OPRM1: variants seen among roughly 807,000 people sequenced by gnomAD.
The protein encoded by OPRM1 is mu-type opioid receptor.
A neutral mutation model predicts 31.8 loss-of-function variants in OPRM1; 27 were observed. That is an observed-to-expected ratio of 0.85 (90% CI 0.63 to 1.17). OPRM1 has a LOEUF of 1.17. Among genes scored for constraint, OPRM1 ranks in the 50% most tolerant of loss-of-function variants. The pLI is 0.00. For missense variants in OPRM1, 536 were observed against 511.1 expected (o/e 1.05, Z -0.47); for synonymous variants, 196 against 189.9 (o/e 1.03, Z -0.26).
At chr6:154,086,068 C>T (rs1256911617) in intron 1 of OPRM1, among the ~76,000 whole-genome samples, 1 of 151,906 alleles carries the variant, frequency 6.6e-6, no homozygotes, top group African/African-American at 2.4e-5. Context: ...CTTCCCCTGC[C>T]CTCAAGTGAT....
intron 1 of OPRM1, among the ~76,000 whole-genome samples, chr6:154,069,381 G>A (rs1786156239): frequency 6.6e-6 from 1 of 152,150 alleles, no homozygotes; most frequent in Non-Finnish European, 1.5e-5. Context: ...AGGGATTACA[G>A]GTGCATGCCG....
At chr6:154,246,518 T>C (rs1390422095) in intron 3 of OPRM1, 9 of 1,473,732 alleles carry the variant, frequency 6.1e-6, no homozygotes, top group South Asian at 1.4e-5. Flanking sequence ...AACTTTCCCA[T>C]AGGGATCACC....
intron 3 of OPRM1, among the ~76,000 whole-genome samples, chr6:154,093,050 CT>C (rs1792647079): frequency 6.6e-6 from 1 of 152,202 alleles, no homozygotes; most frequent in South Asian, 2.1e-4. Context: ...CAACCTAATG[CT>C]AAGCAGCCCT....
Position 154,210,725 on chromosome 6 carries a change from A to G in OPRM1, c.1165-35968A>G, listed in dbSNP as rs142060310. On this transcript the variant is annotated intron_variant, in intron 3 of 3. Transcript: ENST00000337049. The stretch of plus-strand genomic sequence containing the variant: ...AGCTATGAATATAGTAAGAAAGAAT[A>G]ATATTATAAATGTAGTTCAAAAATT... 2.0e-5 allele frequency among the ~76,000 whole-genome samples: 3 copies of G among 152,352 alleles called. No homozygotes were observed. The East Asian group carries it at 5.8e-4, about 29-fold the overall frequency.
At chr6:154,016,205 A>G (rs1044377187) in intron 1 of OPRM1, among the ~76,000 whole-genome samples, 1 of 152,210 alleles carries the variant, frequency 6.6e-6, no homozygotes, top group African/African-American at 2.4e-5. Context: ...TCAAATGTTC[A>G]TTAATAAGGC....
intron 1 of OPRM1, among the ~76,000 whole-genome samples, chr6:154,065,413 G>T (rs1208542805): frequency 2.6e-5 from 4 of 152,136 alleles, no homozygotes; most frequent in African/African-American, 4.8e-5. Context: ...CTCCCAAAGT[G>T]CTGGGGTTAC....
chr6:154,036,961 G>C (rs187146998), upstream of OPRM1, among the ~76,000 whole-genome samples: 1 of 151,704 alleles, frequency 6.6e-6, no homozygotes, highest in Non-Finnish European at 1.5e-5. Context: ...ACCTTATTAC[G>C]GAGTACAAAG....
chr6:154,187,065 C>T (rs548897027), intron 3 of OPRM1, among the ~76,000 whole-genome samples: 2 of 152,254 alleles, frequency 1.3e-5, no homozygotes, highest in South Asian at 2.1e-4. Context: ...GTCTTCCTGC[C>T]GCTAGTCTTC....
At chr6:154,149,594 G>A (rs529624387) in intron 3 of OPRM1, among the ~76,000 whole-genome samples, 1 of 141,506 alleles carries the variant, frequency 7.1e-6, no homozygotes, top group African/African-American at 2.7e-5. Context: ...ATCCATTCTG[G>A]ATCGTGTGTG....
chr6:154,139,742 C>T (rs1215974194), intron 3 of OPRM1, among the ~76,000 whole-genome samples: 7 of 152,158 alleles, frequency 4.6e-5, no homozygotes, highest in Non-Finnish European at 8.8e-5. Context: ...GTGAAAGACA[C>T]TTAAGGCCCC....
Position 154,125,421 on chromosome 6 carries a change from A to T in OPRM1, c.*6700A>T, listed in dbSNP as rs187119654. On this transcript the variant is annotated 3_prime_UTR_variant, in exon 4 of 4. Transcript: ENST00000330432. ...TCTTCCATTACACAGGTTTAGATTC[A>T]GAGTTTTCTTGCTTAAGTTCCAACT... 2.9e-3 allele frequency among the ~76,000 whole-genome samples: 444 copies of T among 152,340 alleles called. 1 individual carries two copies. Among genetic ancestry groups the T allele is most frequent in the African/African-American group, 0.01 (421 of 41,580 alleles).
chr6:154,054,409 A>G (rs2128421221), intron 1 of OPRM1, among the ~76,000 whole-genome samples: 1 of 151,002 alleles, frequency 6.6e-6, no homozygotes, highest in Non-Finnish European at 1.5e-5. Context: ...GCCTAAGGTT[A>G]ATTGAATCAG....
intron 3 of OPRM1, among the ~76,000 whole-genome samples, chr6:154,181,605 G>A (rs938858344): frequency 2.0e-5 from 3 of 152,182 alleles, no homozygotes; most frequent in Non-Finnish European, 2.9e-5. Flanking sequence ...TGACTGAACT[G>A]GACAGACCAA....
At chr6:154,055,180 G>T (rs913617369) in intron 1 of OPRM1, among the ~76,000 whole-genome samples, 1 of 152,188 alleles carries the variant, frequency 6.6e-6, no homozygotes, top group African/African-American at 2.4e-5. Flanking sequence ...TTGAGGTCAG[G>T]ACTTCAAGAC....
At chr6:154,089,764 C>A in intron 1 of OPRM1, 62 bp from the exon 2 acceptor site, 2 of 1,124,182 alleles carry the variant, frequency 1.8e-6, no homozygotes, top group Non-Finnish European at 2.6e-6. Flanking sequence ...TTATTGGAAG[C>A]TTACCTATAT....
At chr6:154,091,545 G>A in intron 3 of OPRM1, 73 bp downstream of exon 3, 1 of 1,513,242 alleles carries the variant, frequency 6.6e-7, no homozygotes, top group South Asian at 1.3e-5. Flanking sequence ...GCTAAACTAG[G>A]AGTTTAATCC....
At chr6:154,241,065 G>A (rs1023354432) in intron 3 of OPRM1, among the ~76,000 whole-genome samples, 30 of 151,836 alleles carry the variant, frequency 2.0e-4, no homozygotes, top group Non-Finnish European at 3.8e-4. Context: ...GTGAAACCCC[G>A]TCTCTACTAA....
At chr6:154,173,975 C>T (rs999628845) in intron 3 of OPRM1, among the ~76,000 whole-genome samples, 5 of 152,126 alleles carry the variant, frequency 3.3e-5, no homozygotes, top group Non-Finnish European at 7.4e-5. Context: ...GTGGATCTCT[C>T]GACAGAAACC....
rs187340576 is a variant in OPRM1 at position 154,160,766 on chromosome 6, G to A, written c.1164+69294G>A. Among the ~76,000 whole-genome samples, 38 of 152,240 alleles carry A rather than the reference G, an allele frequency of 2.5e-4. No homozygotes were observed. In the East Asian group the frequency reaches 7.1e-3, roughly 29 times the overall value. ...ATATTAAAAACAAATATTCAGCCCTGACAATTGTATCTCAAATCTATGCCT... is the reference window on the plus strand; with the variant it reads ...ATATTAAAAACAAATATTCAGCCCTAACAATTGTATCTCAAATCTATGCCT... On this transcript the variant is annotated intron_variant, in intron 3 of 3. Transcript: ENST00000337049.
Sources: allele counts gnomAD v4.1 joint callset (sites outside exome capture counted in the v4.1 genomes callset), GRCh38; gene constraint gnomAD v4.1.1; transcripts MANE v1.5; gene names NCBI Gene and HGNC (gene_info 2026-07-23, HGNC 2026-07-21).